TECRL: variants seen among roughly 807,000 people sequenced by gnomAD.
TECRL encodes the protein trans-2,3-enoyl-CoA reductase-like.
TECRL carries 63 observed loss-of-function variants against 52.8 expected under a neutral mutation model. That is an observed-to-expected ratio of 1.19 (90% confidence interval 0.97 to 1.47). The LOEUF (loss-of-function observed/expected upper bound fraction) is 1.47, where lower values mean the gene tolerates loss of function less well. TECRL is among the 40% of genes most tolerant of loss of function. The pLI is 0.00. For synonymous variants in TECRL, 164 were observed against 141.9 expected, an observed-to-expected ratio of 1.16 and a Z score of -1.10; for missense variants, 482 against 429.6, an observed-to-expected ratio of 1.12 and a Z score of -1.08.
chr4:64,310,170 T>C (rs1436097401), intron 5 of TECRL, among the ~76,000 whole-genome samples: 1 of 152,188 alleles, frequency 6.6e-6, no homozygotes, highest in African/African-American at 2.4e-5. Flanking sequence ...TAGAAATATT[T>C]TATAATACCA....
At chr4:64,374,060 T>TCTATATAGTAGATAC in intron 2 of TECRL, among the ~76,000 whole-genome samples, 2 of 137,450 alleles carry the variant, frequency 1.5e-5, no homozygotes, top group African/African-American at 5.3e-5. Context: ...TACATATATA[T>TCTATATAGTAGATAC]ATATATATAT....
intron 5 of TECRL, among the ~76,000 whole-genome samples, chr4:64,310,523 T>A (rs566972673): frequency 6.6e-6 from 1 of 152,304 alleles, no homozygotes; most frequent in East Asian, 1.9e-4. Flanking sequence ...TACCACCTCT[T>A]CTTATCATTT....
At chr4:64,400,834 T>TC (rs1724308313) in intron 1 of TECRL, among the ~76,000 whole-genome samples, 1 of 152,190 alleles carries the variant, frequency 6.6e-6, no homozygotes, top group South Asian at 2.1e-4. Context: ...CCACTAGGCT[T>TC]CCTGTACAGC....
intron 2 of TECRL, among the ~76,000 whole-genome samples, chr4:64,341,102 C>G (rs1381395436): frequency 6.6e-6 from 1 of 152,148 alleles, no homozygotes; most frequent in African/African-American, 2.4e-5. Context: ...GGTCTCCTCT[C>G]TGCTAAGAGC....
chr4:64,374,837 T>G (rs1055207995), intron 2 of TECRL, among the ~76,000 whole-genome samples: 6 of 152,126 alleles, frequency 3.9e-5, no homozygotes, highest in African/African-American at 1.2e-4. Flanking sequence ...TTGGTTGAAA[T>G]TCTTTGCTAT....
At chr4:64,401,211 TC>T (rs530470178) in intron 1 of TECRL, among the ~76,000 whole-genome samples, 1 of 152,176 alleles carries the variant, frequency 6.6e-6, no homozygotes, top group Non-Finnish European at 1.5e-5. Flanking sequence ...AGAAAAATAG[TC>T]CAAATGCCCT....
At chr4:64,339,425 A>G (rs2110069512) in intron 2 of TECRL, among the ~76,000 whole-genome samples, 1 of 152,000 alleles carries the variant, frequency 6.6e-6, no homozygotes, top group East Asian at 1.9e-4. Context: ...CATGTACCCT[A>G]GAACTTAAAG....
chr4:64,359,601 GTA>G (rs1721033599), intron 2 of TECRL, among the ~76,000 whole-genome samples: 1 of 151,902 alleles, frequency 6.6e-6, no homozygotes, highest in African/African-American at 2.4e-5. Context: ...TTGCACAGCA[GTA>G]CATAGTTTTA....
Position 64,300,011 on chromosome 4 carries a change from C to G in TECRL, c.737G>C (p.Gly246Ala). ...NHPLYTPPSF[G>A]NRQITVSAIN... ...AGCAGATACTGTGATTTGCCTGTTT[C>G]CAAATGCTGGAGAGTAGAAAAAGAA... Residue 246 changes from glycine (G) to alanine (A), a missense_variant, in exon 8 of 12, where the codon GGA becomes GCA. Gly to Ala is a moderately conservative substitution (Grantham distance 60). Coordinates refer to ENST00000381210, the MANE Select transcript of TECRL (RefSeq NM_001010874.5). 1.3e-6 allele frequency: 2 copies of G among 1,574,710 alleles called. No individual in the cohort carries two copies. Among genetic ancestry groups the G allele is most frequent in the South Asian group, 2.3e-5 (2 of 85,794 alleles).
chr4:64,322,986 G>A (rs1315824913), intron 3 of TECRL, among the ~76,000 whole-genome samples, 194 bp from the exon 4 acceptor site: 1 of 152,058 alleles, frequency 6.6e-6, no homozygotes, highest in Non-Finnish European at 1.5e-5. Flanking sequence ...CTCTTCAAAT[G>A]CACAGTGGTT....
At chr4:64,394,753 AG>A (rs1205722313) in intron 1 of TECRL, among the ~76,000 whole-genome samples, 1 of 152,166 alleles carries the variant, frequency 6.6e-6, no homozygotes, top group Non-Finnish European at 1.5e-5. Flanking sequence ...TTTACTGTGC[AG>A]CAGGTACTAC....
intron 4 of TECRL, among the ~76,000 whole-genome samples, chr4:64,320,306 ATTAT>A (rs1717812315): frequency 6.6e-6 from 1 of 151,900 alleles, no homozygotes; most frequent in South Asian, 2.1e-4. Context: ...TCCCTATTAT[ATTAT>A]TTATTATAGG....
chr4:64,358,197 A>C (rs1197907107), intron 2 of TECRL, among the ~76,000 whole-genome samples: 3 of 151,878 alleles, frequency 2.0e-5, no homozygotes, highest in African/African-American at 7.2e-5. Context: ...GAGCTTATTT[A>C]TGACAGCATT....
chr4:64,360,766 A>C (rs4860594), intron 2 of TECRL, among the ~76,000 whole-genome samples: 1 of 152,002 alleles, frequency 6.6e-6, no homozygotes, highest in Non-Finnish European at 1.5e-5. Context: ...GGGTGAGTGC[A>C]ATAGGTGTGG....
At chr4:64,340,561 C>T (rs551863863) in intron 2 of TECRL, among the ~76,000 whole-genome samples, 48 of 152,342 alleles carry the variant, frequency 3.2e-4, no homozygotes, top group African/African-American at 1.1e-3. Context: ...TGCTCTAGCC[C>T]CCTCTGGACT....
intron 1 of TECRL, among the ~76,000 whole-genome samples, chr4:64,406,646 T>G (rs1724748075): frequency 6.6e-6 from 1 of 152,032 alleles, no homozygotes; most frequent in South Asian, 2.1e-4. Context: ...TTAACTTTAT[T>G]GATATGATTT....
intron 1 of TECRL, among the ~76,000 whole-genome samples, chr4:64,390,480 T>A (rs1560552460): frequency 6.6e-6 from 1 of 151,860 alleles, no homozygotes; most frequent in Non-Finnish European, 1.5e-5. Flanking sequence ...TTCATTCTAC[T>A]TGGAAACTGA....
intron 1 of TECRL, among the ~76,000 whole-genome samples, chr4:64,394,906 C>CTT (rs1723813149): frequency 7.3e-6 from 1 of 136,536 alleles, no homozygotes; most frequent in African/African-American, 2.9e-5. Context: ...AATTAACAAG[C>CTT]ATTTTTTTTT....
chr4:64,303,576 A>G (rs1227615195), intron 7 of TECRL, among the ~76,000 whole-genome samples: 1 of 151,750 alleles, frequency 6.6e-6, no homozygotes, highest in African/African-American at 2.4e-5. Flanking sequence ...CATTTTCTAA[A>G]GTTTAGATAT....
Sources: gnomAD v4.1 joint callset for allele counts (sites outside exome capture counted in the v4.1 genomes callset) on GRCh38, gnomAD v4.1.1 for gene constraint, MANE v1.5 for transcripts, NCBI Gene and HGNC (gene_info 2026-07-23, HGNC 2026-07-21) for gene names.